The following AHCYL2 variants were observed in gnomAD, a reference collection of about 807,000 sequenced individuals.
AHCYL2 encodes the protein S-adenosylhomocysteine hydrolase-like protein 2.
Under a neutral mutation model 81.4 loss-of-function variants are expected in AHCYL2, and 28 were observed. That is an observed-to-expected ratio of 0.34 (90% CI 0.25 to 0.47). The LOEUF (loss-of-function observed/expected upper bound fraction) is 0.47. Among genes scored for constraint, AHCYL2 ranks in the 20% least tolerant of loss-of-function variants. The pLI is 1.00. For synonymous variants in AHCYL2, 272 were observed against 290.2 expected (o/e 0.94, Z 0.64); for missense variants, 551 against 785.1 (o/e 0.70, Z 3.56).
rs1346034434 is a variant in AHCYL2 at position 129,277,929 on chromosome 7, CGTT to C, written c.363+52494_363+52496del. Among the ~76,000 whole-genome samples the C allele has an allele frequency of 3.9e-5, 6 of 152,218 alleles. No individual in the cohort carries two copies. The South Asian group carries it at 1.0e-3, about 26-fold the overall frequency. On this transcript the variant is annotated intron_variant, in intron 1 of 16. Coordinates refer to ENST00000325006, the MANE Select transcript of AHCYL2 (RefSeq NM_015328.4). ...TTATTAGAGATATGTTTTTGTTCCT[CGTT>C]GTTAAATATCTGGAAGTGTGATGGT...
intron 1 of AHCYL2, among the ~76,000 whole-genome samples, chr7:129,275,049 A>C (rs917410431): frequency 5.9e-5 from 9 of 152,168 alleles, no homozygotes; most frequent in African/African-American, 2.2e-4. Context: ...ATTGTTTAAC[A>C]CTACTAAGAT....
intron 1 of AHCYL2, among the ~76,000 whole-genome samples, chr7:129,239,958 T>C (rs1056486051): frequency 4.6e-5 from 7 of 151,678 alleles, no homozygotes; most frequent in African/African-American, 1.7e-4. Flanking sequence ...ACGCGGTGGC[T>C]CACGCCTGTA....
intron 1 of AHCYL2, among the ~76,000 whole-genome samples, chr7:129,243,382 C>A (rs190674670): frequency 6.6e-6 from 1 of 151,908 alleles, no homozygotes; most frequent in East Asian, 1.9e-4. Flanking sequence ...ATCTTTTGGT[C>A]TGTGGCTTGT....
At chr7:129,421,251 C>CAAAAAAA (rs11411466) in intron 12 of AHCYL2, among the ~76,000 whole-genome samples, 1 of 137,046 alleles carries the variant, frequency 7.3e-6, no homozygotes, top group Non-Finnish European at 1.6e-5. Flanking sequence ...GACTCCATCT[C>CAAAAAAA]AAAAAAAAAA....
At chr7:129,334,807 AT>A (rs1798538556) in intron 1 of AHCYL2, among the ~76,000 whole-genome samples, 1 of 152,198 alleles carries the variant, frequency 6.6e-6, no homozygotes, top group Non-Finnish European at 1.5e-5. Flanking sequence ...TGATTGATTA[AT>A]ATCATTTTGG....
At chr7:129,296,814 T>C (rs966736312) in intron 1 of AHCYL2, among the ~76,000 whole-genome samples, 4 of 152,214 alleles carry the variant, frequency 2.6e-5, no homozygotes, top group African/African-American at 7.2e-5. Flanking sequence ...AGGATGCTTA[T>C]ACCTATTTTT....
intron 1 of AHCYL2, among the ~76,000 whole-genome samples, chr7:129,263,310 C>T (rs1430811587): frequency 6.6e-6 from 1 of 152,202 alleles, no homozygotes; most frequent in African/African-American, 2.4e-5. Context: ...CACACCATTT[C>T]TCTGAAAGTT....
chr7:129,310,136 C>A (rs1797601347), intron 1 of AHCYL2, among the ~76,000 whole-genome samples: 1 of 152,116 alleles, frequency 6.6e-6, no homozygotes, highest in Admixed American at 6.6e-5. Context: ...GACTTAATAA[C>A]ATCATTTATA....
chr7:129,374,792 A>G (rs1032871299), intron 1 of AHCYL2, among the ~76,000 whole-genome samples: 2 of 146,372 alleles, frequency 1.4e-5, no homozygotes, highest in Admixed American at 6.9e-5. Flanking sequence ...GGGCAAAAAG[A>G]GCAAAACTCC....
chr7:129,370,418 C>A (rs142756780), intron 1 of AHCYL2, among the ~76,000 whole-genome samples: 1 of 148,560 alleles, frequency 6.7e-6, no homozygotes, highest in Non-Finnish European at 1.5e-5. Flanking sequence ...AATTTGCAGC[C>A]GGGTGCGGTG....
chr7:129,361,322 A>G (rs1216075676), intron 1 of AHCYL2, among the ~76,000 whole-genome samples: 1 of 152,162 alleles, frequency 6.6e-6, no homozygotes, highest in Non-Finnish European at 1.5e-5. Context: ...GCTTAAATGG[A>G]GCTTCTCTCT....
intron 1 of AHCYL2, among the ~76,000 whole-genome samples, chr7:129,359,912 A>G (rs1793872944): frequency 6.6e-6 from 1 of 152,172 alleles, no homozygotes; most frequent in African/African-American, 2.4e-5. Context: ...TATTTGAGAA[A>G]CACTGGATTA....
intron 1 of AHCYL2, among the ~76,000 whole-genome samples, chr7:129,231,355 C>G (rs1454512895): frequency 6.6e-6 from 1 of 152,032 alleles, no homozygotes; most frequent in Non-Finnish European, 1.5e-5. Context: ...TTCTCAGTAT[C>G]CAGTTAATTG....
chr7:129,331,449 A>G (rs1798417597), intron 1 of AHCYL2, among the ~76,000 whole-genome samples: 1 of 152,242 alleles, frequency 6.6e-6, no homozygotes, highest in Non-Finnish European at 1.5e-5. Flanking sequence ...ACATTTATTC[A>G]GTGGACTACT....
rs1255934024 is a variant in AHCYL2, at chr7:129,400,293, T to A, written c.827T>A (p.Phe276Tyr). The A allele has an allele frequency of 1.9e-6, 3 of 1,613,408 alleles. No individual in the cohort carries two copies. The highest frequency in any genetic ancestry group is 4.5e-5 in the East Asian group (2 of 44,880). Residue 276 changes from phenylalanine to tyrosine, a missense_variant, in exon 6 of 17, where the codon TTT becomes TAT. Phe to Tyr is a conservative substitution (Grantham distance 22). This residue lies in a region of AHCYL2 where 316 missense variants were observed against 543.1 expected (regional missense o/e 0.58). Coordinates refer to ENST00000325006, the MANE Select transcript of AHCYL2 (RefSeq NM_015328.4). ...CCTTTGTTCCTTTTTTTCCCAGGAT[T>A]TCCTGTTTTTGCCTGGAAGGGAGAG... ...EVAAALAESG[F>Y]PVFAWKGESE...
intron 1 of AHCYL2, among the ~76,000 whole-genome samples, chr7:129,237,433 A>G (rs1794678592): frequency 6.6e-6 from 1 of 152,204 alleles, no homozygotes; most frequent in Admixed American, 6.5e-5. Flanking sequence ...CATGTAGAAG[A>G]AACTTGTGAT....
chr7:129,420,212 C>G (rs895036629), intron 12 of AHCYL2, among the ~76,000 whole-genome samples: 2 of 152,196 alleles, frequency 1.3e-5, no homozygotes, highest in African/African-American at 4.8e-5. Flanking sequence ...CCATACCTTT[C>G]TTCCCAAGGA....
At chr7:129,244,075 T>G (rs564311482) in intron 1 of AHCYL2, among the ~76,000 whole-genome samples, 7 of 151,956 alleles carry the variant, frequency 4.6e-5, no homozygotes, top group Non-Finnish European at 1.0e-4. Context: ...CATGGTTCAC[T>G]GCAGCCTTGA....
intron 1 of AHCYL2, among the ~76,000 whole-genome samples, chr7:129,257,017 C>G (rs1795452973): frequency 6.6e-6 from 1 of 152,052 alleles, no homozygotes; most frequent in South Asian, 2.1e-4. Context: ...TTTGAGCAAC[C>G]TCAGAGGAGC....
Sources: allele counts gnomAD v4.1 joint callset (sites outside exome capture counted in the v4.1 genomes callset), GRCh38; gene constraint gnomAD v4.1.1; regional missense constraint gnomAD v4.1.1; transcripts MANE v1.5; gene names NCBI Gene and HGNC (gene_info 2026-07-23, HGNC 2026-07-21).